The following TRPC7 variants were observed in gnomAD, a reference collection of about 807,000 sequenced individuals.
TRPC7 encodes the protein short transient receptor potential channel 7.
A neutral mutation model predicts 90.1 loss-of-function variants in TRPC7; 42 were observed. That is an observed-to-expected ratio of 0.47 (90% CI 0.36 to 0.60). TRPC7 has a LOEUF of 0.60. Among genes scored for constraint, TRPC7 ranks in the 20% least tolerant of loss-of-function variants. TRPC7 has a pLI of 0.00. For synonymous variants in TRPC7, 451 were observed against 436.3 expected (o/e 1.03, Z -0.42); for missense variants, 955 against 1,112.3 (o/e 0.86, Z 2.01).
chr5:136,249,159 A>G (rs1361918895), intron 6 of TRPC7, among the ~76,000 whole-genome samples: 1 of 152,190 alleles, frequency 6.6e-6, no homozygotes, highest in East Asian at 1.9e-4. Flanking sequence ...CTTTTCAGAG[A>G]CCGGTAAATG....
intron 3 of TRPC7, among the ~76,000 whole-genome samples, chr5:136,309,187 C>A (rs1336577866): frequency 1.3e-5 from 2 of 152,318 alleles, no homozygotes; most frequent in East Asian, 1.9e-4. Context: ...GTGCTCCCAG[C>A]CCATGTCTAT....
intron 3 of TRPC7, among the ~76,000 whole-genome samples, chr5:136,297,037 C>A (rs758141754): frequency 6.6e-5 from 10 of 152,188 alleles, no homozygotes; most frequent in Non-Finnish European, 1.3e-4. Context: ...AACGTGATCG[C>A]ACCTTTATAG....
At chr5:136,305,558 C>T (rs1181812799) in intron 3 of TRPC7, among the ~76,000 whole-genome samples, 3 of 152,128 alleles carry the variant, frequency 2.0e-5, no homozygotes, top group African/African-American at 7.2e-5. Context: ...TGCCCCAACT[C>T]AGCAAACTAA....
intron 7 of TRPC7, among the ~76,000 whole-genome samples, chr5:136,244,924 C>A (rs1756288727): frequency 6.6e-6 from 1 of 152,184 alleles, no homozygotes; most frequent in Admixed American, 6.5e-5. Context: ...ACTCAGGTGT[C>A]TTTTCTTGCA....
Position 136,255,518 on chromosome 5 carries a change from C to T in TRPC7, c.1346-3636G>A, listed in dbSNP as rs557248611. On this transcript the variant is annotated intron_variant, in intron 5 of 11. Coordinates refer to ENST00000513104, the MANE Select transcript of TRPC7 (RefSeq NM_020389.3). ...TTTTTTTAGACATGATGCTGTTGCA[C>T]GTTTAATAGACCACAGTATAGTGTA... is the stretch of plus-strand genomic sequence containing the variant. Among the ~76,000 whole-genome samples, 7 of 152,248 alleles carry T rather than the reference C, an allele frequency of 4.6e-5. No homozygotes were observed. The South Asian group carries it at 6.2e-4, about 14-fold the overall frequency.
chr5:136,213,872 C>T (rs1219302731), intron 11 of TRPC7, among the ~76,000 whole-genome samples: 1 of 152,176 alleles, frequency 6.6e-6, no homozygotes, highest in African/African-American at 2.4e-5. Flanking sequence ...GAGTCAAGAT[C>T]AGGGCTGTGA....
At chr5:136,266,465 T>TAC in intron 4 of TRPC7, 29 bp from the exon 5 acceptor site, 1 of 1,590,814 alleles carries the variant, frequency 6.3e-7, no homozygotes, top group Non-Finnish European at 8.6e-7. Flanking sequence ...CAAGACATGT[T>TAC]AAACTGTCTC....
chr5:136,259,650 T>C (rs766114549), intron 5 of TRPC7, among the ~76,000 whole-genome samples: 1 of 152,212 alleles, frequency 6.6e-6, no homozygotes, highest in East Asian at 1.9e-4. Flanking sequence ...TATAAGCTTG[T>C]TATTCTTGCA....
intron 2 of TRPC7, among the ~76,000 whole-genome samples, chr5:136,351,641 C>T (rs545786830): frequency 1.3e-5 from 2 of 152,244 alleles, no homozygotes; most frequent in African/African-American, 4.8e-5. Flanking sequence ...AAGACAAAGT[C>T]ACTCCTTCTC....
Position 136,357,264 on chromosome 5 carries a change from G to A in TRPC7, c.124C>T (p.Pro42Ser), listed in dbSNP as rs1295237379. 9.3e-6 allele frequency: 15 copies of A among 1,613,334 alleles called. No individual in the cohort carries two copies. The highest frequency in any genetic ancestry group is 1.2e-5 in the Non-Finnish European group (14 of 1,179,922). Residue 42 changes from proline (P) to serine (S), a missense_variant, in exon 2 of 12, where the codon CCC (proline) becomes TCC (serine). Physicochemically the swap from Pro to Ser is moderately conservative, Grantham distance 74. Coordinates refer to ENST00000513104, the MANE Select transcript of TRPC7 (RefSeq NM_020389.3). ...GAGTCCAGGAAGCGCTCCTCCTCGGGCGTCAGACTGGTGCCCTTCTCGTTG... is the reference window on the plus strand; with the variant it reads ...GAGTCCAGGAAGCGCTCCTCCTCGGACGTCAGACTGGTGCCCTTCTCGTTG... Reference protein sequence around the residue: ...MFNEKGTSLTPEEERFLDSAE... With the variant: ...MFNEKGTSLTSEEERFLDSAE...
At chr5:136,236,202 C>T (rs772712130) in intron 7 of TRPC7, among the ~76,000 whole-genome samples, 1 of 152,204 alleles carries the variant, frequency 6.6e-6, no homozygotes, top group Non-Finnish European at 1.5e-5. Flanking sequence ...TCCCAGTCTA[C>T]AAGCAAGCCC....
intron 2 of TRPC7, among the ~76,000 whole-genome samples, chr5:136,351,736 C>G (rs935472714): frequency 6.6e-6 from 1 of 152,222 alleles, no homozygotes; most frequent in African/African-American, 2.4e-5. Context: ...ACAATGGGAT[C>G]TCTCTAGATA....
chr5:136,230,633 C>A (rs1479078800), intron 8 of TRPC7, among the ~76,000 whole-genome samples: 2 of 152,182 alleles, frequency 1.3e-5, no homozygotes, highest in Non-Finnish European at 2.9e-5. Flanking sequence ...CCTATTAATG[C>A]TCAGTTTGTT....
chr5:136,259,870 T>C (rs1401326414), intron 5 of TRPC7, among the ~76,000 whole-genome samples: 1 of 152,210 alleles, frequency 6.6e-6, no homozygotes, highest in Non-Finnish European at 1.5e-5. Context: ...TTCCTTGATA[T>C]TATGTTCTCC....
At chr5:136,279,328 A>G (rs1757471067) in intron 3 of TRPC7, among the ~76,000 whole-genome samples, 1 of 152,206 alleles carries the variant, frequency 6.6e-6, no homozygotes, top group African/African-American at 2.4e-5. Context: ...AAAGTCCTTA[A>G]TGAACCAACC....
chr5:136,287,878 C>T (rs1203507338), intron 3 of TRPC7, among the ~76,000 whole-genome samples: 2 of 152,026 alleles, frequency 1.3e-5, no homozygotes, highest in Admixed American at 1.3e-4. Context: ...AGTGAGTCTT[C>T]AGGGCCGTGG....
At chr5:136,229,369 C>T (rs998149243) in intron 8 of TRPC7, among the ~76,000 whole-genome samples, 1 of 152,138 alleles carries the variant, frequency 6.6e-6, no homozygotes, top group Admixed American at 6.5e-5. Flanking sequence ...TACATGTGCT[C>T]CCTACTGCAT....
chr5:136,364,662 C>T (rs183881600), intron 1 of TRPC7, among the ~76,000 whole-genome samples: 89 of 152,248 alleles, frequency 5.8e-4, no homozygotes, highest in African/African-American at 1.9e-3. Flanking sequence ...CAACTTCAAA[C>T]TTAAAGGGGA....
chr5:136,342,398 G>A (rs1222479611), intron 2 of TRPC7, among the ~76,000 whole-genome samples: 3 of 152,182 alleles, frequency 2.0e-5, no homozygotes, highest in Non-Finnish European at 4.4e-5. Context: ...GAAAAACGAG[G>A]AGTGTTCTTC....
Sources: allele counts gnomAD v4.1 joint callset (sites outside exome capture counted in the v4.1 genomes callset), GRCh38; gene constraint gnomAD v4.1.1; transcripts MANE v1.5; gene names NCBI Gene and HGNC (gene_info 2026-07-23, HGNC 2026-07-21).